APC2: variants seen among roughly 807,000 people sequenced by gnomAD.
APC2 encodes the protein adenomatous polyposis coli protein 2.
APC2 carries 41 observed loss-of-function variants against 72.5 expected under a neutral mutation model. The observed-to-expected ratio is 0.57, with a 90% CI of 0.44 to 0.73. The LOEUF is 0.73. Ranked by LOEUF, APC2 falls within the 30% of genes least tolerant of loss-of-function variation. APC2 has a pLI of 0.00. For missense variants in APC2, 3,729 were observed against 3,403.4 expected, an observed-to-expected ratio of 1.10 and a Z score of -2.38; for synonymous variants, 1,898 against 1,612.0, an observed-to-expected ratio of 1.18 and a Z score of -4.25.
In APC2 at chr19:1,469,194, G is replaced by A. The variant is rs1430228687; in HGVS notation, c.5893G>A (p.Ala1965Thr). Residue 1965 changes from alanine (A) to threonine (T), a missense_variant, in exon 15 of 15, where the codon GCG becomes ACG. By Grantham distance (58) the Ala-to-Thr change is moderately conservative (BLOSUM62 0). Coordinates refer to ENST00000590469, the MANE Select transcript of APC2 (RefSeq NM_005883.3). ...GRAGTEAGPG[A>T]RGGRLGLVRV... ...GGCGGGGACCGAGGCGGGCCCGGGG[G>A]CGCGCGGGGGCCGCCTGGGCCTGGT... 6.1e-6 allele frequency: 8 copies of A among 1,304,470 alleles called. No individual in the cohort carries two copies. The highest frequency in any genetic ancestry group is 3.0e-4 in the Middle Eastern group (1 of 3,368). The allele number at this position is 1,304,470 out of a possible 1,614,324, so 80.8% of individuals were successfully genotyped here.
Position 1,467,085 on chromosome 19 carries a change from C to T in APC2, c.3784C>T (p.Arg1262Cys), listed in dbSNP as rs780735059. The T allele has an allele frequency of 7.5e-6, 12 of 1,609,682 alleles. No homozygotes were observed. The highest frequency in any genetic ancestry group is 1.1e-5 in the South Asian group (1 of 90,950). ...ATCTGAGCTGGACGCAGGCAGCGTGCGCTTTACCGTGGAGAAGCCAGACGA... is the reference window on the plus strand; with the variant it reads ...ATCTGAGCTGGACGCAGGCAGCGTGTGCTTTACCGTGGAGAAGCCAGACGA... ...LPSELDAGSV[R>C]FTVEKPDENF... is the part of the protein sequence containing the mutation. Residue 1262 changes from arginine to cysteine, a missense_variant, in exon 15 of 15, where the codon CGC (arginine) becomes TGC (cysteine). Arg to Cys is a radical substitution (Grantham distance 180). Coordinates refer to ENST00000590469, the MANE Select transcript of APC2 (RefSeq NM_005883.3).
intron 9 of APC2, 70 bp from the exon 10 acceptor site, chr19:1,457,895 C>CGTGGGGGGG (rs1555675930): frequency 1.6e-6 from 2 of 1,251,680 alleles, no homozygotes; most frequent in Non-Finnish European, 2.1e-6. Context: ...GGGCGGGTTG[C>CGTGGGGGGG]GGGACCTTCG....
At chr19:1,459,039 A>C (rs769730004) in intron 10 of APC2, among the ~76,000 whole-genome samples, 114 of 151,758 alleles carry the variant, frequency 7.5e-4, no homozygotes, top group Admixed American at 1.2e-3. Context: ...TCCTGTCCCC[A>C]GCCCCTGGCA....
Position 1,466,844 on chromosome 19 carries a change from C to T in APC2, c.3543C>T (p.Pro1181=). Residue 1181 remains proline (P), a synonymous_variant, in exon 15 of 15, where the codon CCC becomes CCT. Coordinates refer to ENST00000590469, the MANE Select transcript of APC2 (RefSeq NM_005883.3). ...FESPSIASSI[P]SEPCSGQGSG... ...GCCCGTCCATCGCCAGCTCCATCCC[C>T]AGTGAACCTTGCAGCGGGCAGGGCA... 1 of 1,559,774 alleles carries T rather than the reference C, an allele frequency of 6.4e-7. No individual in the cohort carries two copies. Among genetic ancestry groups the T allele is most frequent in the Non-Finnish European group, 8.7e-7 (1 of 1,153,154 alleles).
chr19:1,469,671 G>T lies in APC2; in HGVS notation c.6370G>T (p.Ala2124Ser), dbSNP rs1283285436. 7.9e-7 allele frequency: 1 copy of T among 1,268,406 alleles called. No individual in the cohort carries two copies. The allele number at this position is 1,268,406 out of a possible 1,614,324, so 78.6% of individuals were successfully genotyped here. Residue 2124 changes from alanine (A) to serine (S), a missense_variant, in exon 15 of 15, where the codon GCC becomes TCC. By Grantham distance (99) the Ala-to-Ser change is moderately conservative. Coordinates refer to ENST00000590469, the MANE Select transcript of APC2 (RefSeq NM_005883.3). Reference sequence around the variant, plus strand: ...CCCCGCGGCCCCTGCCTCAGCCGACGCCGCGCGCCGCAGCAGCGACGGGGA... The same window carrying T: ...CCCCGCGGCCCCTGCCTCAGCCGACTCCGCGCGCCGCAGCAGCGACGGGGA... The part of the protein sequence containing the change: ...AVPAAPASAD[A>S]ARRSSDGEPR...
upstream of APC2, among the ~76,000 whole-genome samples, chr19:1,446,727 G>A (rs1461868673): frequency 6.6e-6 from 1 of 152,120 alleles, no homozygotes; most frequent in Non-Finnish European, 1.5e-5. The surrounding 1 kb of genome is among the most constrained non-coding windows in gnomAD (Gnocchi z 6.1). Context: ...GCCCTGCGCA[G>A]GGTGGGGGCC....
Position 1,466,950 on chromosome 19 carries a change from G to A in APC2, c.3649G>A (p.Ala1217Thr), listed in dbSNP as rs761563611. 95 of 1,602,362 alleles carry A rather than the reference G, an allele frequency of 5.9e-5. No individual in the cohort carries two copies. The highest frequency in any genetic ancestry group is 7.3e-5 in the Non-Finnish European group (86 of 1,175,004). The change falls in exon 15 of 15, where the codon GCG becomes ACG. Residue 1217 changes from alanine to threonine, a missense_variant. Coordinates refer to ENST00000590469, the MANE Select transcript of APC2 (RefSeq NM_005883.3). ...PPSRSKTPPL[A>T]PAPQGPPEAT... ...CAGCCGGAGCAAGACGCCACCGCTG[G>A]CGCCCGCGCCACAGGGTCCCCCCGA...
At chr19:1,455,608 T>G in intron 6 of APC2, 108 bp downstream of exon 6, 2 of 1,087,940 alleles carry the variant, frequency 1.8e-6, no homozygotes, top group Non-Finnish European at 1.3e-6. Context: ...AGGAGTCTTA[T>G]GCCTCCTGGG....
chr19:1,469,354 CCTCT>C lies in APC2; in HGVS notation c.6054_6057del (p.Ser2019ProfsTer315). The C allele has an allele frequency of 7.6e-7, 1 of 1,313,052 alleles. No homozygotes were observed. The highest frequency in any genetic ancestry group is 9.8e-7 in the Non-Finnish European group (1 of 1,025,140). 81.3% of individuals were successfully genotyped at this position (1,313,052 alleles called of 1,614,324 possible). ...GAGCTGTCCTCGGCCGAGTCCGCGG[CCTCT>C]GCCCCCCAGGGCGCCTCGCCCCGCC... On this transcript the variant is annotated frameshift_variant, in exon 15 of 15. Coordinates refer to ENST00000590469, the MANE Select transcript of APC2 (RefSeq NM_005883.3). LOFTEE classifies it low-confidence loss of function (END_TRUNC).
chr19:1,468,945 G>T lies in APC2; in HGVS notation c.5644G>T (p.Ala1882Ser). The stretch of plus-strand genomic sequence containing the variant: ...CTCCAGCTCCTCCCAGACCTCGCCC[G>T]CCTCCCAGCCCCTGCCCAGAAAGCG... ...PSSSSSQTSP[A>S]SQPLPRKRPP... The change falls in exon 15 of 15, where the codon GCC becomes TCC. Residue 1882 changes from alanine (A) to serine (S), a missense_variant. Physicochemically the swap from Ala to Ser is moderately conservative, Grantham distance 99. Transcript: ENST00000590469. The T allele has an allele frequency of 6.5e-7, 1 of 1,528,636 alleles. No homozygotes were observed. 94.7% of individuals were successfully genotyped at this position (1,528,636 alleles called of 1,614,324 possible).
rs1599172385 is a variant in APC2 at position 1,472,962 on chromosome 19, T to C, written c.*2749T>C. The C allele has an allele frequency of 6.6e-6, 1 of 151,466 alleles. No individual in the cohort carries two copies. The highest frequency in any genetic ancestry group is 1.5e-5 in the Non-Finnish European group (1 of 67,846). The allele number at this position is 151,466 out of a possible 1,614,324, so 9.4% of individuals were successfully genotyped here. On this transcript the variant is annotated 3_prime_UTR_variant, in exon 15 of 15. Transcript: ENST00000590469. ...CGTGGGTGCTGAACTCGGGGCGCCGTGCCCACCGGCATGGTCCTCCCGAGC... is the reference window on the plus strand; with the variant it reads ...CGTGGGTGCTGAACTCGGGGCGCCGCGCCCACCGGCATGGTCCTCCCGAGC...
At chr19:1,454,701 CT>C (rs1390984616) in intron 4 of APC2, among the ~76,000 whole-genome samples, 4 of 151,684 alleles carry the variant, frequency 2.6e-5, no homozygotes, top group Admixed American at 2.6e-4. Context: ...GTAGCTGGGA[CT>C]ACAGGCACCC....
intron 14 of APC2, among the ~76,000 whole-genome samples, chr19:1,464,699 C>A (rs1467035357): frequency 7.6e-6 from 1 of 131,682 alleles, no homozygotes; most frequent in Non-Finnish European, 1.5e-5. Flanking sequence ...GTGGCGCGAT[C>A]TCGGCTCACT....
At position 1,455,248 on chromosome 19, in the gene APC2, C is replaced by G. The variant is rs971539422; in HGVS notation, c.513C>G (p.His171Gln). Residue 171 changes from histidine to glutamine, a missense_variant, in exon 5 of 15, where the codon CAC becomes CAG. By Grantham distance (24) the His-to-Gln change is conservative (BLOSUM62 0). Transcript: ENST00000590469. ...GLSKRLDELP[H>Q]VETQFSMQMD... ...CCAAGCGCCTGGACGAGCTGCCGCA[C>G]GTGGAGACGGTGAGCCGGCCGGGGA... 1 of 1,575,144 alleles carries G rather than the reference C, an allele frequency of 6.3e-7. No individual in the cohort carries two copies. Among genetic ancestry groups the G allele is most frequent in the African/African-American group, 1.4e-5 (1 of 72,260 alleles).
Position 1,465,181 on chromosome 19 carries a change from T to C in APC2, c.1880T>C (p.Leu627Pro). Reference sequence around the variant, plus strand: ...CAGGTGCTCCGGGATCACAACTGTCTGCAGACGCTGCTGCAGCATCTGACT... The same window carrying C: ...CAGGTGCTCCGGGATCACAACTGTCCGCAGACGCTGCTGCAGCATCTGACT... ...YRQVLRDHNC[L>P]QTLLQHLTSH... Residue 627 changes from leucine (L) to proline (P), a missense_variant, in exon 15 of 15, where the codon CTG becomes CCG. By Grantham distance (98) the Leu-to-Pro change is moderately conservative (BLOSUM62 -3). Coordinates refer to ENST00000590469, the MANE Select transcript of APC2 (RefSeq NM_005883.3). 6.2e-7 allele frequency: 1 copy of C among 1,605,150 alleles called. No individual in the cohort carries two copies. The highest frequency in any genetic ancestry group is 8.5e-7 in the Non-Finnish European group (1 of 1,176,806).
rs966091642 is a variant in APC2 at position 1,467,630 on chromosome 19, C to G, written c.4329C>G (p.His1443Gln). Residue 1443 changes from histidine (H) to glutamine (Q), a missense_variant, in exon 15 of 15, where the codon CAC becomes CAG. Physicochemically the swap from His to Gln is conservative, Grantham distance 24 (BLOSUM62 0). Coordinates refer to ENST00000590469, the MANE Select transcript of APC2 (RefSeq NM_005883.3). ...CCAGACAGGCCATGGGGCACCGGCA[C>G]AAGGCGGGAGGCGCCGGCCGCAGCG... The part of the protein sequence containing the change: ...TSARQAMGHR[H>Q]KAGGAGRSAE... 2 of 1,488,522 alleles carry G rather than the reference C, an allele frequency of 1.3e-6. No homozygotes were observed. The highest frequency in any genetic ancestry group is 2.6e-5 in the South Asian group (2 of 78,138). The allele number at this position is 1,488,522 out of a possible 1,614,324, so 92.2% of individuals were successfully genotyped here.
chr19:1,460,398 A>C, intron 11 of APC2, 78 bp downstream of exon 11: 1 of 1,593,086 alleles, frequency 6.3e-7, no homozygotes, highest in African/African-American at 1.3e-5. Flanking sequence ...AACTCATCCC[A>C]GCCTCGAAAC....
intron 14 of APC2, 26 bp from the exon 15 acceptor site, chr19:1,465,129 C>A (rs2083985571): frequency 1.3e-6 from 2 of 1,579,686 alleles, no homozygotes; most frequent in Non-Finnish European, 1.7e-6. Context: ...GGGGGTGGCC[C>A]AGGCTAACCC....
chr19:1,448,843 C>CA (rs57277236), upstream of APC2, among the ~76,000 whole-genome samples: 1,665 of 115,152 alleles, frequency 0.014, 12 homozygotes, highest in East Asian at 0.028. Flanking sequence ...GACTCCGTCT[C>CA]AAAAAAAAAA....
Sources: gnomAD v4.1 joint callset for allele counts (sites outside exome capture counted in the v4.1 genomes callset) on GRCh38, gnomAD v4.1.1 for gene constraint, Gnocchi (gnomAD v3.1) non-coding constraint, MANE v1.5 for transcripts, NCBI Gene and HGNC (gene_info 2026-07-23, HGNC 2026-07-21) for gene names.